The following EOGT variants were observed in gnomAD, a reference collection of about 807,000 sequenced individuals.
EOGT encodes the protein EGF domain-specific O-linked N-acetylglucosamine transferase.
In EOGT, 55 loss-of-function variants were observed where a neutral mutation model predicts 70.5. The ratio of observed to expected loss-of-function variants is 0.78; its 90% CI spans 0.63 to 0.98. The LOEUF (loss-of-function observed/expected upper bound fraction) is 0.98. Among genes scored for constraint, EOGT ranks in the 50% least tolerant of loss-of-function variants. EOGT has a pLI of 0.00. For missense variants in EOGT, 703 were observed against 641.9 expected (o/e 1.10, Z -1.03); for synonymous variants, 246 against 217.1 (o/e 1.13, Z -1.17).
At chr3:68,988,202 C>A in intron 13 of EOGT, 93 bp downstream of exon 13, 1 of 889,938 alleles carries the variant, frequency 1.1e-6, no homozygotes. Flanking sequence ...AAAACATGGT[C>A]TCCTGATTAT....
chr3:68,988,634 A>G (rs1345375482), intron 11 of EOGT, 57 bp from the exon 12 acceptor site: 12 of 1,042,070 alleles, frequency 1.2e-5, no homozygotes, highest in African/African-American at 1.6e-5. Flanking sequence ...CACCAAAAAT[A>G]GCACGTATAA....
At chr3:69,007,973 CATGAAGTT>C in intron 5 of EOGT, 152 bp from the exon 6 acceptor site, 1 of 558,296 alleles carries the variant, frequency 1.8e-6, no homozygotes. Context: ...CGCCTCACTA[CATGAAGTT>C]ACGAAACTAA....
At chr3:69,003,474 G>A (rs750533147) in intron 8 of EOGT, among the ~76,000 whole-genome samples, 1 of 152,072 alleles carries the variant, frequency 6.6e-6, no homozygotes, top group South Asian at 2.1e-4. Context: ...CTCTGCACAC[G>A]CTCTCTTGTC....
chr3:68,979,666 A>G lies in EOGT; in HGVS notation c.1334+2T>C, dbSNP rs1411643643. On this transcript the variant is annotated splice_donor_variant, in intron 16 of 17. Transcript: ENST00000383701. LOFTEE classifies it high-confidence loss of function. Reference sequence around the variant, plus strand: ...AGTGTAAAACTGCCTCCCAACACTTACAGTTCAAATACAGCAGCCCAGTCT... The same window carrying G: ...AGTGTAAAACTGCCTCCCAACACTTGCAGTTCAAATACAGCAGCCCAGTCT... 6.2e-7 allele frequency: 1 copy of G among 1,613,266 alleles called. No homozygotes were observed.
In EOGT at chr3:69,001,368, T is replaced by A. The variant is rs183652312; in HGVS notation, c.727+240A>T. Reference sequence around the variant, plus strand: ...GGCATAAATATGCCTTCACCTCTCGTCCTTTGATTTTGGTTAAGTCCTTTG... The same window carrying A: ...GGCATAAATATGCCTTCACCTCTCGACCTTTGATTTTGGTTAAGTCCTTTG... On this transcript the variant is annotated intron_variant, in intron 9 of 17. Coordinates refer to ENST00000383701, the MANE Select transcript of EOGT (RefSeq NM_001278689.2). Among the ~76,000 whole-genome samples the A allele has an allele frequency of 2.4e-3, 359 of 152,300 alleles. 1 individual carries two copies. The highest frequency in any genetic ancestry group is 4.4e-3 in the Admixed American group (67 of 15,290).
intron 14 of EOGT, 72 bp downstream of exon 14, chr3:68,987,373 G>GAAAA: frequency 8.1e-6 from 8 of 989,444 alleles, no homozygotes; most frequent in African/African-American, 1.7e-5. Context: ...AACGTAATGT[G>GAAAA]AAAAAAAAAA....
intron 15 of EOGT, among the ~76,000 whole-genome samples, chr3:68,980,727 G>C (rs2090614985): frequency 6.6e-6 from 1 of 152,218 alleles, no homozygotes; most frequent in Non-Finnish European, 1.5e-5. Context: ...ATGTGCCTCA[G>C]TTTCTCCAGG....
chr3:69,009,110 T>C (rs979212700), intron 4 of EOGT, among the ~76,000 whole-genome samples: 2 of 152,188 alleles, frequency 1.3e-5, no homozygotes, highest in Non-Finnish European at 2.9e-5. Context: ...GCCAGCACCA[T>C]GGGAAAGGAA....
intron 15 of EOGT, among the ~76,000 whole-genome samples, chr3:68,981,268 C>T (rs910674593): frequency 1.3e-5 from 2 of 152,202 alleles, no homozygotes; most frequent in African/African-American, 4.8e-5. Context: ...GCTATGCCAT[C>T]CGCCATAATG....
At chr3:68,990,282 C>T (rs1319828192) in intron 10 of EOGT, among the ~76,000 whole-genome samples, 2 of 151,520 alleles carry the variant, frequency 1.3e-5, no homozygotes, top group East Asian at 3.9e-4. Flanking sequence ...CCAGCCTGTG[C>T]TGCCACTTCC....
Position 69,001,625 on chromosome 3 carries a change from A to G in EOGT, c.710T>C (p.Phe237Ser). 6.2e-7 allele frequency: 1 copy of G among 1,603,920 alleles called. No individual in the cohort carries two copies. Among genetic ancestry groups the G allele is most frequent in the Non-Finnish European group, 8.5e-7 (1 of 1,173,118 alleles). The change falls in exon 9 of 18, where the codon TTC (phenylalanine) becomes TCC (serine). Residue 237 changes from phenylalanine to serine, a missense_variant. Physicochemically the swap from Phe to Ser is radical, Grantham distance 155. Transcript: ENST00000383701. ...CDIVIEKPTYFMKLDAGVNMY... is the reference protein window; with the variant it reads ...CDIVIEKPTYSMKLDAGVNMY... Reference sequence around the variant, plus strand: ...TTTCTCACCTGCATCTAATTTCATGAAATATGTTGGTTTTTCAATGACAAT... The same window carrying G: ...TTTCTCACCTGCATCTAATTTCATGGAATATGTTGGTTTTTCAATGACAAT...
chr3:68,977,725 TG>T lies in EOGT; in HGVS notation c.1476del (p.Asn493ThrfsTer6). On this transcript the variant is annotated frameshift_variant, in exon 18 of 18. Transcript: ENST00000383701. LOFTEE classifies it high-confidence loss of function. ...AATTCTTCTACATCGAAAGAGTAGT[TG>T]GTGAACTTCGGGTGCTCCCCCAGGG... is the stretch of plus-strand genomic sequence containing the variant. ...HPTLGEHPKF[T>X]NYSFDVEEFM... The T allele has an allele frequency of 6.2e-7, 1 of 1,613,740 alleles. No individual in the cohort carries two copies. The highest frequency in any genetic ancestry group is 8.5e-7 in the Non-Finnish European group (1 of 1,179,862).
At chr3:68,982,162 G>A (rs1054238844) in intron 15 of EOGT, among the ~76,000 whole-genome samples, 2 of 152,072 alleles carry the variant, frequency 1.3e-5, no homozygotes, top group Non-Finnish European at 2.9e-5. Flanking sequence ...ACCCATCTCA[G>A]TCTCCCAAAG....
At chr3:68,980,302 A>G (rs1163846477) in intron 15 of EOGT, among the ~76,000 whole-genome samples, 1 of 152,200 alleles carries the variant, frequency 6.6e-6, no homozygotes, top group African/African-American at 2.4e-5. Flanking sequence ...TCCTTGTGTG[A>G]TTTAAGTTTT....
chr3:68,995,022 A>C (rs1451734550), intron 10 of EOGT, among the ~76,000 whole-genome samples: 2 of 152,044 alleles, frequency 1.3e-5, no homozygotes, highest in African/African-American at 2.4e-5. Context: ...AGAGCTTTTC[A>C]AGGAGGAGAG....
At chr3:68,979,829 G>T in intron 15 of EOGT, 42 bp from the exon 16 acceptor site, 1 of 1,602,982 alleles carries the variant, frequency 6.2e-7, no homozygotes, top group South Asian at 1.1e-5. Flanking sequence ...GGGGAGAAGA[G>T]AGAAGTATTA....
At position 69,004,480 on chromosome 3, in the gene EOGT, A is replaced by T; in HGVS notation, c.518T>A (p.Phe173Tyr). ...LRNIKRNHDR[F>Y]KEDFFQSGEI... ...ACCACTCTGGAAAAAGTCCTCCTTA[A>T]ATCTGGTATATAACAAAACATTAAG... The change falls in exon 8 of 18, where the codon TTT (phenylalanine) becomes TAT (tyrosine). Residue 173 changes from phenylalanine (F) to tyrosine (Y), a missense_variant and splice_region_variant. Physicochemically the swap from Phe to Tyr is conservative, Grantham distance 22 (BLOSUM62 3). Coordinates refer to ENST00000383701, the MANE Select transcript of EOGT (RefSeq NM_001278689.2). 1 of 1,606,994 alleles carries T rather than the reference A, an allele frequency of 6.2e-7. No homozygotes were observed. The highest frequency in any genetic ancestry group is 2.2e-5 in the East Asian group (1 of 44,818).
chr3:68,992,985 C>T (rs986443839), intron 10 of EOGT, among the ~76,000 whole-genome samples: 13 of 152,346 alleles, frequency 8.5e-5, no homozygotes, highest in African/African-American at 3.1e-4. Context: ...AGGCTGCATA[C>T]AGCATGGGGA....
At chr3:68,997,371 CTTT>C (rs796115630) in intron 10 of EOGT, among the ~76,000 whole-genome samples, 2 of 141,452 alleles carry the variant, frequency 1.4e-5, no homozygotes. Context: ...GAATGACAGC[CTTT>C]TTTTTTTTTT....
Sources: allele counts gnomAD v4.1 joint callset (sites outside exome capture counted in the v4.1 genomes callset), GRCh38; gene constraint gnomAD v4.1.1; transcripts MANE v1.5; gene names NCBI Gene and HGNC (gene_info 2026-07-23, HGNC 2026-07-21).